LIMCH1: variants seen among roughly 807,000 people sequenced by gnomAD.
LIMCH1 encodes LIM and calponin homology domains-containing protein 1.
A neutral mutation model predicts 176.5 loss-of-function variants in LIMCH1; 113 were observed. The observed-to-expected ratio is 0.64, with a 90% CI of 0.55 to 0.75. The LOEUF (loss-of-function observed/expected upper bound fraction) is 0.75. LIMCH1 is among the 30% of genes least tolerant of loss of function. The pLI is 0.00. For missense variants in LIMCH1, 1,674 were observed against 1,814.9 expected (o/e 0.92, Z 1.41); for synonymous variants, 619 against 645.9 (o/e 0.96, Z 0.63).
At chr4:41,442,176 T>G (rs1385051209) in intron 1 of LIMCH1, among the ~76,000 whole-genome samples, 1 of 152,198 alleles carries the variant, frequency 6.6e-6, no homozygotes, top group Non-Finnish European at 1.5e-5. Flanking sequence ...GGTATGCACC[T>G]GTAGTTTCAG....
At chr4:41,675,948 A>T (rs2095202921) in intron 22 of LIMCH1, among the ~76,000 whole-genome samples, 1 of 152,190 alleles carries the variant, frequency 6.6e-6, no homozygotes, top group African/African-American at 2.4e-5. Flanking sequence ...AGTATAAAAG[A>T]TTAGTTTTTA....
chr4:41,419,666 T>TCCTTCCTTCC (rs2060385038), intron 1 of LIMCH1, among the ~76,000 whole-genome samples: 1 of 77,544 alleles, frequency 1.3e-5, no homozygotes, highest in Admixed American at 1.5e-4. Flanking sequence ...CCTTCCTTCC[T>TCCTTCCTTCC]TCCTTCCTTC....
intron 1 of LIMCH1, among the ~76,000 whole-genome samples, chr4:41,462,123 G>T (rs1029809997): frequency 2.0e-5 from 3 of 152,188 alleles, no homozygotes; most frequent in African/African-American, 7.2e-5. Context: ...AGACTGACTT[G>T]AAATCAAGTG....
intron 31 of LIMCH1, among the ~76,000 whole-genome samples, chr4:41,695,323 ATTGT>A (rs1729727830): frequency 6.6e-6 from 1 of 151,138 alleles, no homozygotes; most frequent in South Asian, 2.1e-4. Context: ...TTCTTCTAGA[ATTGT>A]TTTTTTTTTT....
chr4:41,668,509 T>C (rs1361622008), intron 21 of LIMCH1, among the ~76,000 whole-genome samples: 1 of 152,226 alleles, frequency 6.6e-6, no homozygotes, highest in Non-Finnish European at 1.5e-5. Context: ...TCTTATAAAT[T>C]TACACATTTC....
chr4:41,390,867 C>G (rs897134945), intron 1 of LIMCH1, among the ~76,000 whole-genome samples: 10 of 152,142 alleles, frequency 6.6e-5, no homozygotes, highest in African/African-American at 2.4e-4. Flanking sequence ...AGAACTTATG[C>G]TTACATTTTA....
intron 2 of LIMCH1, among the ~76,000 whole-genome samples, chr4:41,499,312 A>G (rs905134651): frequency 1.4e-4 from 21 of 152,214 alleles, no homozygotes; most frequent in African/African-American, 5.1e-4. Flanking sequence ...TCATGTGTAT[A>G]TATGCCTCTT....
At chr4:41,679,521 G>A (rs1163309587) in intron 23 of LIMCH1, among the ~76,000 whole-genome samples, 1 of 152,198 alleles carries the variant, frequency 6.6e-6, no homozygotes, top group Admixed American at 6.5e-5. Flanking sequence ...CACAAGCAAA[G>A]AGTAATTCAG....
upstream of LIMCH1, among the ~76,000 whole-genome samples, chr4:41,536,340 C>T (rs1168320285): frequency 6.6e-6 from 1 of 152,170 alleles, no homozygotes; most frequent in Non-Finnish European, 1.5e-5. Context: ...CAAAAGAACT[C>T]GCTAGACGCC....
chr4:41,426,491 A>G (rs1291955324), intron 1 of LIMCH1, among the ~76,000 whole-genome samples: 3 of 152,204 alleles, frequency 2.0e-5, no homozygotes, highest in Admixed American at 6.5e-5. Flanking sequence ...TATCCTGGCA[A>G]TTTTACTTTA....
At chr4:41,536,404 A>G (rs1316656785), upstream of LIMCH1, among the ~76,000 whole-genome samples, 4 of 152,154 alleles carry the variant, frequency 2.6e-5, no homozygotes, top group Admixed American at 2.0e-4. Context: ...CTTCATCTCA[A>G]ATGGTACAAA....
intron 4 of LIMCH1, among the ~76,000 whole-genome samples, chr4:41,606,638 A>G (rs2090750285): frequency 6.6e-6 from 1 of 152,174 alleles, no homozygotes; most frequent in South Asian, 2.1e-4. Flanking sequence ...GAAACAGTTG[A>G]ATGTTTCATG....
At chr4:41,559,514 T>G (rs2081770593) in intron 1 of LIMCH1, among the ~76,000 whole-genome samples, 1 of 152,138 alleles carries the variant, frequency 6.6e-6, no homozygotes, top group Admixed American at 6.5e-5. Context: ...TGAACCTGGC[T>G]GCATCCTCCG....
chr4:41,581,636 C>G (rs1178408053), intron 1 of LIMCH1, among the ~76,000 whole-genome samples: 1 of 151,964 alleles, frequency 6.6e-6, no homozygotes, highest in East Asian at 1.9e-4. Context: ...GAAACCCTGT[C>G]TCTACTAAAA....
intron 1 of LIMCH1, among the ~76,000 whole-genome samples, chr4:41,457,883 A>G (rs764301695): frequency 1.3e-5 from 2 of 152,266 alleles, no homozygotes; most frequent in African/African-American, 4.8e-5. Context: ...TATTAAAATA[A>G]GAACATAACT....
intron 1 of LIMCH1, among the ~76,000 whole-genome samples, chr4:41,447,854 G>A (rs2063441412): frequency 1.3e-5 from 2 of 152,168 alleles, no homozygotes; most frequent in African/African-American, 2.4e-5. Context: ...GCAGTGGCGC[G>A]ATTTCCGCTG....
chr4:41,437,984 A>G (rs1269977805), intron 1 of LIMCH1, among the ~76,000 whole-genome samples: 1 of 152,216 alleles, frequency 6.6e-6, no homozygotes, highest in Non-Finnish European at 1.5e-5. Flanking sequence ...TCCATGATGC[A>G]CTGAATTTGT....
intron 1 of LIMCH1, among the ~76,000 whole-genome samples, chr4:41,431,217 A>G (rs1447855822): frequency 6.6e-6 from 1 of 152,186 alleles, no homozygotes; most frequent in Non-Finnish European, 1.5e-5. Flanking sequence ...TCTCTGCAAA[A>G]TTCAGAGGAA....
chr4:41,360,334 G>A (rs1335331126), upstream of LIMCH1, among the ~76,000 whole-genome samples: 4 of 152,094 alleles, frequency 2.6e-5, no homozygotes, highest in Admixed American at 6.5e-5. This position sits in a 1 kb window ranked among gnomAD's most constrained non-coding sequence, Gnocchi z 4.5. Flanking sequence ...CTACTGCTCC[G>A]GTGCCGCAGC....
Sources: gnomAD v4.1 joint callset for allele counts (sites outside exome capture counted in the v4.1 genomes callset) on GRCh38, gnomAD v4.1.1 for gene constraint, Gnocchi (gnomAD v3.1) non-coding constraint, MANE v1.5 for transcripts, NCBI Gene and HGNC (gene_info 2026-07-23, HGNC 2026-07-21) for gene names.